CTNNAL1: variants seen among roughly 807,000 people sequenced by gnomAD.
The protein encoded by CTNNAL1 is catenin alpha like 1.
A neutral mutation model predicts 93.6 loss-of-function variants in CTNNAL1; 69 were observed. That is an observed-to-expected ratio of 0.74 (90% CI 0.61 to 0.90). The LOEUF is 0.90. Among genes scored for constraint, CTNNAL1 ranks in the 40% least tolerant of loss-of-function variants. The pLI is 0.00. For synonymous variants in CTNNAL1, 286 were observed against 305.4 expected, an observed-to-expected ratio of 0.94 and a Z score of 0.66; for missense variants, 836 against 862.0, an observed-to-expected ratio of 0.97 and a Z score of 0.38.
chr9:108,979,618 A>G (rs1219752621), intron 6 of CTNNAL1, 137 bp from the exon 7 acceptor site: 1 of 752,630 alleles, frequency 1.3e-6, no homozygotes, highest in Non-Finnish European at 2.2e-6. Context: ...ACAGCCACCA[A>G]TGATATCTAT....
intron 1 of CTNNAL1, among the ~76,000 whole-genome samples, chr9:109,005,997 C>A (rs1001342864): frequency 6.6e-6 from 1 of 152,042 alleles, no homozygotes; most frequent in African/African-American, 2.4e-5. Flanking sequence ...TATTTAAGGT[C>A]TACTTATATT....
chr9:109,010,012 A>G (rs969871602), intron 1 of CTNNAL1, among the ~76,000 whole-genome samples: 18 of 152,066 alleles, frequency 1.2e-4, no homozygotes, highest in South Asian at 2.1e-4. Context: ...TTTTTTAATA[A>G]TTACTTTTTC....
chr9:109,005,500 T>C (rs1398865701), intron 1 of CTNNAL1, among the ~76,000 whole-genome samples: 1 of 152,088 alleles, frequency 6.6e-6, no homozygotes, highest in Non-Finnish European at 1.5e-5. Flanking sequence ...ATGAATGGGA[T>C]TAATGCCTTT....
intron 1 of CTNNAL1, among the ~76,000 whole-genome samples, chr9:109,002,075 A>G (rs1369365412): frequency 1.3e-5 from 2 of 152,204 alleles, no homozygotes; most frequent in East Asian, 3.8e-4. Flanking sequence ...ACCTTTGAGG[A>G]AGCTGTCTTA....
At chr9:108,945,670 T>C (rs1830383587) in intron 15 of CTNNAL1, among the ~76,000 whole-genome samples, 1 of 151,232 alleles carries the variant, frequency 6.6e-6, no homozygotes, top group Non-Finnish European at 1.5e-5. Flanking sequence ...AGACAAGGTC[T>C]CACTATGTTG....
intron 11 of CTNNAL1, among the ~76,000 whole-genome samples, chr9:108,961,694 G>T (rs1392092685): frequency 6.6e-6 from 1 of 152,188 alleles, no homozygotes; most frequent in Admixed American, 6.5e-5. Flanking sequence ...GGCATAGGAT[G>T]TGCAAGCAGT....
chr9:108,986,268 A>C (rs1298143758), intron 4 of CTNNAL1, among the ~76,000 whole-genome samples: 2 of 150,700 alleles, frequency 1.3e-5, no homozygotes, highest in South Asian at 4.2e-4. Context: ...ATGAGTGAGA[A>C]CATGCAGTGT....
chr9:109,003,384 T>C (rs1456449562), intron 1 of CTNNAL1, among the ~76,000 whole-genome samples: 1 of 152,222 alleles, frequency 6.6e-6, no homozygotes, highest in African/African-American at 2.4e-5. Flanking sequence ...GAATACATCT[T>C]TGTATGAAAA....
intron 2 of CTNNAL1, among the ~76,000 whole-genome samples, chr9:108,993,997 A>G (rs1587982440): frequency 6.6e-6 from 1 of 152,320 alleles, no homozygotes; most frequent in African/African-American, 2.4e-5. Context: ...TAGGAGGCCG[A>G]GGCGGGTGGA....
intron 12 of CTNNAL1, among the ~76,000 whole-genome samples, chr9:108,953,456 T>C (rs1830615568): frequency 6.6e-6 from 1 of 152,100 alleles, no homozygotes. Context: ...ATTTAAGTCA[T>C]ACACACTCAC....
intron 5 of CTNNAL1, 119 bp downstream of exon 5, chr9:108,984,228 G>A: frequency 3.2e-6 from 2 of 624,720 alleles, no homozygotes; most frequent in Non-Finnish European, 5.7e-6. Context: ...AACTATTCAG[G>A]CCTATGTTCT....
chr9:108,953,434 A>G (rs1830614851), intron 12 of CTNNAL1, among the ~76,000 whole-genome samples: 1 of 152,222 alleles, frequency 6.6e-6, no homozygotes, highest in African/African-American at 2.4e-5. Flanking sequence ...ACTTTTTACA[A>G]TGGAAACATA....
At chr9:108,993,562 C>CGGGCATA (rs1564145250) in intron 2 of CTNNAL1, among the ~76,000 whole-genome samples, 1 of 152,138 alleles carries the variant, frequency 6.6e-6, no homozygotes, top group East Asian at 1.9e-4. Context: ...ATTGAACTCC[C>CGGGCATA]AACCCTCTAG....
intron 2 of CTNNAL1, 141 bp from the exon 3 acceptor site, chr9:108,992,960 T>G: frequency 1.1e-6 from 1 of 916,604 alleles, no homozygotes; most frequent in Non-Finnish European, 1.6e-6. Flanking sequence ...GGTTTCACCT[T>G]GACGATTGTA....
intron 17 of CTNNAL1, 124 bp downstream of exon 17, chr9:108,943,579 T>C: frequency 1.4e-6 from 1 of 725,442 alleles, no homozygotes; most frequent in Non-Finnish European, 2.2e-6. Context: ...ATGATTCTTG[T>C]AGACAAGGCA....
At chr9:108,992,917 C>A in intron 2 of CTNNAL1, 98 bp from the exon 3 acceptor site, 1 of 1,320,066 alleles carries the variant, frequency 7.6e-7, no homozygotes, top group Non-Finnish European at 1.0e-6. Flanking sequence ...AGGAGAAACT[C>A]AGCTTTGGAG....
chr9:108,948,863 G>A lies in CTNNAL1; in HGVS notation c.1836-629C>T, dbSNP rs28361175. Among the ~76,000 whole-genome samples, 105 of 152,260 alleles carry A rather than the reference G, an allele frequency of 6.9e-4. 3 individuals carry two copies. In the South Asian group the frequency reaches 0.021, roughly 30 times the overall value. The stretch of plus-strand genomic sequence containing the variant: ...AAGAAGAGCAATGGACTAGGGATAA[G>A]TCAGAAAATCTGGAATCTAGTAGCA... On this transcript the variant is annotated intron_variant, in intron 14 of 18. Coordinates refer to ENST00000325551, the MANE Select transcript of CTNNAL1 (RefSeq NM_003798.4).
chr9:108,954,688 C>G (rs1265030409), intron 12 of CTNNAL1, among the ~76,000 whole-genome samples: 2 of 152,136 alleles, frequency 1.3e-5, no homozygotes, highest in Admixed American at 6.5e-5. Flanking sequence ...GTATCATGAT[C>G]GCTTTTACAC....
rs533202710 is a variant in CTNNAL1, at chr9:108,994,840, C to T, written c.332-2021G>A. The stretch of plus-strand genomic sequence containing the variant: ...GGTTGCTCTCTCTCTCTGAGAGAAG[C>T]CAGTTGCCATGTCATAAGCAGCCCT... On this transcript the variant is annotated intron_variant, in intron 2 of 18. Coordinates refer to ENST00000325551, the MANE Select transcript of CTNNAL1 (RefSeq NM_003798.4). 4.9e-4 allele frequency among the ~76,000 whole-genome samples: 74 copies of T among 152,280 alleles called. No individual in the cohort carries two copies. In the South Asian group the frequency reaches 0.014, roughly 29 times the overall value.
Sources: gnomAD v4.1 joint callset for allele counts (sites outside exome capture counted in the v4.1 genomes callset) on GRCh38, gnomAD v4.1.1 for gene constraint, MANE v1.5 for transcripts, NCBI Gene and HGNC (gene_info 2026-07-23, HGNC 2026-07-21) for gene names.